SRC: variants seen among roughly 807,000 people sequenced by gnomAD.
The protein encoded by SRC is SRC proto-oncogene, non-receptor tyrosine kinase.
SRC carries 13 observed loss-of-function variants against 62.9 expected under a neutral mutation model. The observed-to-expected ratio is 0.21, with a 90% CI of 0.13 to 0.33. The LOEUF (loss-of-function observed/expected upper bound fraction) is 0.33. SRC is among the 10% of genes least tolerant of loss of function. SRC has a pLI of 1.00. For missense variants in SRC, 457 were observed against 737.3 expected, an observed-to-expected ratio of 0.62 and a Z score of 4.40; for synonymous variants, 302 against 317.5, an observed-to-expected ratio of 0.95 and a Z score of 0.52.
intron 5 of SRC, chr20:37,386,544 G>T (rs1416612879): frequency 1.6e-5 from 11 of 704,216 alleles, no homozygotes; most frequent in Admixed American, 1.4e-4. Context: ...GCTGCTGTCT[G>T]CATGTGCTTC....
intron 1 of SRC, among the ~76,000 whole-genome samples, chr20:37,360,121 A>G (rs2069944859): frequency 2.0e-5 from 3 of 151,820 alleles, no homozygotes; most frequent in Admixed American, 2.0e-4. Context: ...TTCAGTGTGT[A>G]TCTCTAAAAG....
In SRC at chr20:37,400,096, C is replaced by G; in HGVS notation, c.860-19C>G. ...AGTTGGGGGGCTCCACTGAGTCAGC[C>G]TGCATCCCTCCTCAACAGGGACCTG... On this transcript the variant is annotated intron_variant, in intron 9 of 13. Coordinates refer to ENST00000373578, the MANE Select transcript of SRC (RefSeq NM_198291.3). 1 of 1,581,224 alleles carries G rather than the reference C, an allele frequency of 6.3e-7. No individual in the cohort carries two copies. The highest frequency in any genetic ancestry group is 1.1e-5 in the South Asian group (1 of 87,304).
In SRC at chr20:37,351,017, C is replaced by T. The variant is rs942112478; in HGVS notation, c.-247+4762C>T. ...GAGAAAAATGCAGAGCTCTTGTCTT[C>T]GATCCAGGACTCTCCCCAGCCAGCC... On this transcript the variant is annotated intron_variant, in intron 1 of 13. Coordinates refer to ENST00000373578, the MANE Select transcript of SRC (RefSeq NM_198291.3). The surrounding 1 kb of genome is among the most constrained non-coding windows in gnomAD (Gnocchi z 4.4). Among the ~76,000 whole-genome samples, 11 of 152,178 alleles carry T rather than the reference C, an allele frequency of 7.2e-5. No homozygotes were observed. Among genetic ancestry groups the T allele is most frequent in the African/African-American group, 2.2e-4 (9 of 41,414 alleles).
rs145635403 is a variant in SRC at position 37,357,317 on chromosome 20, T to A, written c.-246-7887T>A. Among the ~76,000 whole-genome samples, 19 of 152,322 alleles carry A rather than the reference T, an allele frequency of 1.2e-4. No homozygotes were observed. The East Asian group carries it at 3.1e-3, about 25-fold the overall frequency. On this transcript the variant is annotated intron_variant, in intron 1 of 13. Transcript: ENST00000373578. ...CTGGCTACAGCTGCCCTGGCCAACA[T>A]CTGGCTGTGAGCTCGGATGGGCCCT...
intron 1 of SRC, among the ~76,000 whole-genome samples, chr20:37,353,607 C>T (rs1329931029): frequency 6.6e-6 from 1 of 152,162 alleles, no homozygotes; most frequent in Non-Finnish European, 1.5e-5. Flanking sequence ...AAATGGTTGT[C>T]TCATGCTCAC....
rs535812319 is a variant in SRC at position 37,366,602 on chromosome 20, G to A, written c.-173+1325G>A. On this transcript the variant is annotated intron_variant, in intron 2 of 13. Coordinates refer to ENST00000373578, the MANE Select transcript of SRC (RefSeq NM_198291.3). ...TGTTTCTATAGATTTGCCTATTCTG[G>A]ACATTTAATAGAAATGGAATCATTC... Among the ~76,000 whole-genome samples the A allele has an allele frequency of 1.1e-4, 16 of 152,246 alleles. No individual in the cohort carries two copies. In the South Asian group the frequency reaches 3.3e-3, roughly 32 times the overall value.
intron 5 of SRC, among the ~76,000 whole-genome samples, chr20:37,388,956 C>A (rs182186958): frequency 6.6e-6 from 1 of 152,092 alleles, no homozygotes; most frequent in African/African-American, 2.4e-5. Flanking sequence ...GTGCCTCCCC[C>A]ACCCTGTAAG....
intron 5 of SRC, among the ~76,000 whole-genome samples, chr20:37,388,079 C>G (rs1344759697): frequency 6.6e-6 from 1 of 152,158 alleles, no homozygotes; most frequent in Non-Finnish European, 1.5e-5. Context: ...GAGGCCCGTG[C>G]AGGGGAGGGG....
chr20:37,363,008 C>T (rs2069999851), intron 1 of SRC, among the ~76,000 whole-genome samples: 1 of 152,226 alleles, frequency 6.6e-6, no homozygotes. Context: ...TCCCACCTGC[C>T]TGGATCACAC....
At chr20:37,399,361 C>A (rs1024342753) in intron 9 of SRC, among the ~76,000 whole-genome samples, 1 of 152,142 alleles carries the variant, frequency 6.6e-6, no homozygotes, top group Non-Finnish European at 1.5e-5. Flanking sequence ...GTTCTGGCAA[C>A]AGCCTTAGAA....
chr20:37,395,680 T>C (rs548651835), intron 7 of SRC, among the ~76,000 whole-genome samples: 2 of 152,198 alleles, frequency 1.3e-5, no homozygotes, highest in Admixed American at 1.3e-4. Context: ...ACATGGACAG[T>C]GCCCCCGCAA....
Position 37,397,627 on chromosome 20 carries a change from G to A in SRC, c.704-72G>A, listed in dbSNP as rs1042021036. The A allele has an allele frequency of 7.5e-6, 11 of 1,464,406 alleles. No individual in the cohort carries two copies. Among genetic ancestry groups the A allele is most frequent in the East Asian group, 4.9e-5 (2 of 40,548 alleles). The allele number at this position is 1,464,406 out of a possible 1,614,324, so 90.7% of individuals were successfully genotyped here. On this transcript the variant is annotated intron_variant, in intron 8 of 13. Coordinates refer to ENST00000373578, the MANE Select transcript of SRC (RefSeq NM_198291.3). The surrounding 1 kb of genome is among the most constrained non-coding windows in gnomAD (Gnocchi z 4.1). ...TCTGTGTGCATCTGGCATGTAGGGC[G>A]ACACACACTGAGGGGCAGGGAGGCC... is the stretch of plus-strand genomic sequence containing the variant.
At chr20:37,374,511 T>C (rs1323665405) in intron 2 of SRC, among the ~76,000 whole-genome samples, 1 of 152,170 alleles carries the variant, frequency 6.6e-6, no homozygotes, top group Non-Finnish European at 1.5e-5. Context: ...TTAATAGTTT[T>C]GCAGTAGATT....
At chr20:37,364,696 T>C (rs1416515181) in intron 1 of SRC, among the ~76,000 whole-genome samples, 2 of 152,192 alleles carry the variant, frequency 1.3e-5, no homozygotes. Context: ...CTTGTCACGA[T>C]ACTTTCAGTA....
intron 2 of SRC, among the ~76,000 whole-genome samples, chr20:37,374,887 C>A (rs1425424403): frequency 6.7e-6 from 1 of 149,342 alleles, no homozygotes; most frequent in East Asian, 2.0e-4. Flanking sequence ...TAATAATACT[C>A]TTACCTTCTC....
intron 2 of SRC, among the ~76,000 whole-genome samples, chr20:37,378,268 T>TC (rs909341179): frequency 5.3e-5 from 8 of 150,400 alleles, no homozygotes; most frequent in African/African-American, 1.7e-4. Flanking sequence ...GCTCAAGTGA[T>TC]CCCCCCACCT....
chr20:37,379,941 GTAAAAAAAAAAAAAAAA>G (rs1234957078), intron 2 of SRC, among the ~76,000 whole-genome samples: 2 of 50,056 alleles, frequency 4.0e-5, no homozygotes, highest in Non-Finnish European at 7.5e-5. Flanking sequence ...AGAGCTTGGA[GTAAAAAAAAAAAAAAAA>G]AAAAAAAAAG....
At chr20:37,354,989 G>C (rs1568618200) in intron 1 of SRC, among the ~76,000 whole-genome samples, 1 of 152,182 alleles carries the variant, frequency 6.6e-6, no homozygotes, top group African/African-American at 2.4e-5. Context: ...ACTGGCAGGA[G>C]GGGCGAGCAG....
Position 37,396,562 on chromosome 20 carries a change from C to T in SRC, c.703+251C>T, listed in dbSNP as rs1420117788. 13 of 559,746 alleles carry T rather than the reference C, an allele frequency of 2.3e-5. No homozygotes were observed. Among genetic ancestry groups the T allele is most frequent in the Non-Finnish European group, 3.2e-5 (10 of 315,386 alleles). 34.7% of individuals were successfully genotyped at this position (559,746 alleles called of 1,614,324 possible). On this transcript the variant is annotated intron_variant, in intron 8 of 13. Coordinates refer to ENST00000373578, the MANE Select transcript of SRC (RefSeq NM_198291.3). The surrounding 1 kb of genome is among the most constrained non-coding windows in gnomAD (Gnocchi z 6.1). ...CTGCTCCACGCAGTGTCCCACTGCCCGCCTTTCTCTGCAGCTGGCTGGTAT... is the reference window on the plus strand; with the variant it reads ...CTGCTCCACGCAGTGTCCCACTGCCTGCCTTTCTCTGCAGCTGGCTGGTAT...
Sources: gnomAD v4.1 joint callset for allele counts (sites outside exome capture counted in the v4.1 genomes callset) on GRCh38, gnomAD v4.1.1 for gene constraint, Gnocchi (gnomAD v3.1) non-coding constraint, MANE v1.5 for transcripts, NCBI Gene and HGNC (gene_info 2026-07-23, HGNC 2026-07-21) for gene names.